ATRN: variants seen among roughly 807,000 people sequenced by gnomAD.
ATRN encodes the protein attractin-2.
A neutral mutation model predicts 178.7 loss-of-function variants in ATRN; 54 were observed. That is an observed-to-expected ratio of 0.30 (90% confidence interval 0.24 to 0.38). The LOEUF (loss-of-function observed/expected upper bound fraction) is 0.38, where lower values mean the gene tolerates loss of function less well. ATRN is among the 10% of genes least tolerant of loss of function. The pLI is 1.00. For missense variants in ATRN, 1,443 were observed against 1,815.1 expected (o/e 0.79, Z 3.73); for synonymous variants, 636 against 663.0 (o/e 0.96, Z 0.63).
intron 8 of ATRN, 59 bp downstream of exon 8, chr20:3,560,964 T>A: frequency 6.4e-7 from 1 of 1,571,020 alleles, no homozygotes; most frequent in Non-Finnish European, 8.7e-7. Flanking sequence ...CCTCTAAGCT[T>A]ATTATTTTGA....
At chr20:3,525,294 T>C (rs1031137624) in intron 1 of ATRN, among the ~76,000 whole-genome samples, 4 of 151,892 alleles carry the variant, frequency 2.6e-5, no homozygotes, top group Admixed American at 2.6e-4. Flanking sequence ...AACTAGAAAA[T>C]CTAGAAGAAA....
At chr20:3,584,594 A>G (rs1486807932) in intron 17 of ATRN, 53 bp from the exon 18 acceptor site, 3 of 1,301,006 alleles carry the variant, frequency 2.3e-6, no homozygotes. Flanking sequence ...AAGTAAATAC[A>G]GTGAATTCAG....
intron 1 of ATRN, among the ~76,000 whole-genome samples, chr20:3,501,903 A>G (rs2084969927): frequency 6.6e-6 from 1 of 152,292 alleles, no homozygotes; most frequent in East Asian, 1.9e-4. Context: ...TCAGGCTTTT[A>G]GTTGGGAACC....
At chr20:3,547,595 C>A in intron 5 of ATRN, 106 bp downstream of exon 5, 2 of 949,472 alleles carry the variant, frequency 2.1e-6, no homozygotes, top group South Asian at 1.8e-5. Context: ...TTATATTAAT[C>A]AAATACGAGG....
chr20:3,563,112 T>G, intron 9 of ATRN, 97 bp from the exon 10 acceptor site: 1 of 1,091,098 alleles, frequency 9.2e-7, no homozygotes, highest in Non-Finnish European at 1.3e-6. Context: ...TACATTTGGG[T>G]CTGAGGTTAA....
At chr20:3,535,710 C>A (rs1055366644) in intron 2 of ATRN, among the ~76,000 whole-genome samples, 4 of 152,038 alleles carry the variant, frequency 2.6e-5, no homozygotes, top group Admixed American at 6.6e-5. Context: ...CCGCTCACTG[C>A]AACCTCCGCC....
At chr20:3,541,664 A>G (rs2085624276) in intron 3 of ATRN, among the ~76,000 whole-genome samples, 1 of 152,202 alleles carries the variant, frequency 6.6e-6, no homozygotes, top group South Asian at 2.1e-4. Context: ...AAAATACAGT[A>G]TTACAATCTC....
At chr20:3,592,311 A>G (rs1387327150) in intron 19 of ATRN, 1 of 287,098 alleles carries the variant, frequency 3.5e-6, no homozygotes. Context: ...GAGGCATGAG[A>G]ATTGCTTGAA....
chr20:3,496,606 G>C (rs1444307604), intron 1 of ATRN, among the ~76,000 whole-genome samples: 1 of 152,130 alleles, frequency 6.6e-6, no homozygotes, highest in East Asian at 1.9e-4. Flanking sequence ...GTGTGGTGTG[G>C]TGCTGGAAAA....
chr20:3,512,528 T>G (rs929387304), intron 1 of ATRN, among the ~76,000 whole-genome samples: 1 of 152,146 alleles, frequency 6.6e-6, no homozygotes, highest in African/African-American at 2.4e-5. Context: ...TTGGGTTGGT[T>G]CCAAGTCTTT....
chr20:3,541,117 G>A (rs2085613756), intron 3 of ATRN, among the ~76,000 whole-genome samples: 1 of 141,078 alleles, frequency 7.1e-6, no homozygotes, highest in South Asian at 2.2e-4. Context: ...TCGCTCTGTC[G>A]CCCAGGCTGG....
At chr20:3,503,947 C>T (rs2084998285) in intron 1 of ATRN, among the ~76,000 whole-genome samples, 1 of 152,132 alleles carries the variant, frequency 6.6e-6, no homozygotes, top group Non-Finnish European at 1.5e-5. Context: ...AAGAGAAAGT[C>T]TTGAAAGCAG....
At chr20:3,472,496 A>G (rs1361382160) in intron 1 of ATRN, among the ~76,000 whole-genome samples, 1 of 152,230 alleles carries the variant, frequency 6.6e-6, no homozygotes, top group Non-Finnish European at 1.5e-5. Flanking sequence ...TGACCTTAAC[A>G]TTCTAGTGGG....
At chr20:3,503,866 G>A (rs775378428) in intron 1 of ATRN, among the ~76,000 whole-genome samples, 10 of 152,134 alleles carry the variant, frequency 6.6e-5, no homozygotes, top group Non-Finnish European at 8.8e-5. Flanking sequence ...GAAGCTATGC[G>A]AACTTGGTAC....
chr20:3,622,217 T>G (rs1259658867), intron 24 of ATRN, among the ~76,000 whole-genome samples: 1 of 152,200 alleles, frequency 6.6e-6, no homozygotes, highest in Non-Finnish European at 1.5e-5. Flanking sequence ...GCCAGGAAAC[T>G]CCTTAGTTTT....
intron 1 of ATRN, chr20:3,490,826 T>C (rs1600020346): frequency 1.2e-6 from 1 of 810,118 alleles, no homozygotes; most frequent in Non-Finnish European, 2.2e-6. Context: ...ATAATCCATC[T>C]TTATCATCAT....
At chr20:3,634,552 A>G (rs1048298975) in intron 26 of ATRN, among the ~76,000 whole-genome samples, 163 bp downstream of exon 26, 4 of 152,214 alleles carry the variant, frequency 2.6e-5, no homozygotes, top group African/African-American at 9.7e-5. Context: ...TCTGCAGCAT[A>G]TGGTCAGTAG....
At chr20:3,574,026 C>T (rs1030649721) in intron 12 of ATRN, among the ~76,000 whole-genome samples, 2 of 151,970 alleles carry the variant, frequency 1.3e-5, no homozygotes, top group Admixed American at 6.6e-5. Context: ...GCGTGAGCTA[C>T]TGTACATGGC....
intron 1 of ATRN, among the ~76,000 whole-genome samples, chr20:3,520,627 T>A (rs972349252): frequency 3.9e-5 from 6 of 152,130 alleles, no homozygotes; most frequent in Non-Finnish European, 5.9e-5. Context: ...CAAGAGTACT[T>A]GGGATTATAG....
Sources: gnomAD v4.1 joint callset for allele counts (sites outside exome capture counted in the v4.1 genomes callset) on GRCh38, gnomAD v4.1.1 for gene constraint, MANE v1.5 for transcripts, NCBI Gene and HGNC (gene_info 2026-07-23, HGNC 2026-07-21) for gene names.